Variants in KATNAL2 observed in about 807,000 individuals in gnomAD.
KATNAL2 encodes katanin catalytic subunit A1 like 2, also known as katanin p60 ATPase-containing subunit A-like 2.
In KATNAL2, 52 loss-of-function variants were observed where a neutral mutation model predicts 76.3. That is an observed-to-expected ratio of 0.68 (90% CI 0.55 to 0.86). The LOEUF (loss-of-function observed/expected upper bound fraction) is 0.86, where lower values mean the gene tolerates loss of function less well. Among genes scored for constraint, KATNAL2 ranks in the 40% least tolerant of loss-of-function variants. KATNAL2 has a pLI of 0.00. For missense variants in KATNAL2, 660 were observed against 668.9 expected (o/e 0.99, Z 0.15); for synonymous variants, 243 against 244.2 (o/e 1.00, Z 0.05).
intron 13 of KATNAL2, among the ~76,000 whole-genome samples, chr18:47,071,953 C>CTTCTTT (rs2062020721): frequency 2.3e-5 from 1 of 43,950 alleles, no homozygotes; most frequent in African/African-American, 1.2e-4. Context: ...CCAATTTCTT[C>CTTCTTT]TTTTTTTTTT....
chr18:47,033,071 C>A (rs1321613485), intron 3 of KATNAL2: 1 of 1,614,032 alleles, frequency 6.2e-7, no homozygotes, highest in Non-Finnish European at 8.5e-7. Context: ...ACTTTCTTGG[C>A]AGCCTGTTTC....
At chr18:47,071,953 CTTTTTTTTTTTTTTTT>C (rs574265545) in intron 13 of KATNAL2, among the ~76,000 whole-genome samples, 84 of 43,952 alleles carry the variant, frequency 1.9e-3, no homozygotes, top group East Asian at 0.014. Context: ...CCAATTTCTT[CTTTTTTTTTTTTTTTT>C]TTTTTTTTTT....
At chr18:46,929,753 G>A (rs2058847985) in intron 1 of KATNAL2, among the ~76,000 whole-genome samples, 1 of 152,112 alleles carries the variant, frequency 6.6e-6, no homozygotes, top group African/African-American at 2.4e-5. Context: ...GGAACATAGA[G>A]AAGAAGTATG....
At chr18:47,033,356 T>G in intron 3 of KATNAL2, 3 of 1,614,132 alleles carry the variant, frequency 1.9e-6, no homozygotes, top group Non-Finnish European at 8.5e-7. Context: ...TTTGCCTCTC[T>G]GCCGTTGGGG....
At chr18:46,951,671 G>T (rs2059561506) in intron 3 of KATNAL2, among the ~76,000 whole-genome samples, 1 of 152,058 alleles carries the variant, frequency 6.6e-6, no homozygotes, top group African/African-American at 2.4e-5. Context: ...TGGAAACAAA[G>T]TATCTATGAA....
chr18:47,093,951 G>A (rs926674889), intron 15 of KATNAL2, among the ~76,000 whole-genome samples: 4 of 151,874 alleles, frequency 2.6e-5, no homozygotes, highest in Admixed American at 2.6e-4. Flanking sequence ...TTTTTAAATG[G>A]CATCCTCTTT....
chr18:47,045,682 A>G (rs1206478895), intron 3 of KATNAL2, among the ~76,000 whole-genome samples: 1 of 152,160 alleles, frequency 6.6e-6, no homozygotes, highest in Non-Finnish European at 1.5e-5. Context: ...TTTGTGATGT[A>G]ATTTAGGCCA....
At chr18:47,032,105 A>G (rs2060492071) in intron 3 of KATNAL2, among the ~76,000 whole-genome samples, 1 of 152,224 alleles carries the variant, frequency 6.6e-6, no homozygotes, top group Non-Finnish European at 1.5e-5. Context: ...AAGCTGATTA[A>G]TGTGTCACCA....
intron 13 of KATNAL2, among the ~76,000 whole-genome samples, chr18:47,070,883 A>G (rs1018241752): frequency 1.3e-5 from 2 of 152,142 alleles, no homozygotes; most frequent in African/African-American, 4.8e-5. Flanking sequence ...TTTGTTCTTC[A>G]TCTTGCATCT....
Position 47,059,549 on chromosome 18 carries a change from T to C in KATNAL2, c.451-7T>C. On this transcript the variant is annotated splice_region_variant and splice_polypyrimidine_tract_variant and intron_variant, in intron 7 of 17. Transcript: ENST00000683218. Reference sequence around the variant, plus strand: ...CAGCCGATGTGTCCTTGTCTCTCTTTCTTCAGGAGGTAGTTGATAACACTC... The same window carrying C: ...CAGCCGATGTGTCCTTGTCTCTCTTCCTTCAGGAGGTAGTTGATAACACTC... 1 of 1,590,948 alleles carries C rather than the reference T, an allele frequency of 6.3e-7. No homozygotes were observed. Among genetic ancestry groups the C allele is most frequent in the Non-Finnish European group, 8.6e-7 (1 of 1,159,082 alleles).
Position 47,100,982 on chromosome 18 carries a change from CAA to C in KATNAL2, c.1596_1597del (p.Glu534ValfsTer11), listed in dbSNP as rs1286490149. 1.9e-6 allele frequency: 3 copies of C among 1,613,846 alleles called. No individual in the cohort carries two copies. Among genetic ancestry groups the C allele is most frequent in the Non-Finnish European group, 2.5e-6 (3 of 1,179,920 alleles). On this transcript the variant is annotated frameshift_variant, in exon 18 of 18. Coordinates refer to ENST00000683218, the MANE Select transcript of KATNAL2 (RefSeq NM_001387690.1). LOFTEE classifies it high-confidence loss of function. ...TCTGGCTCAGAGATACTCAGACTGG[CAA>C]AGAGAGTTCGAGTCTGTCTGAAACC... The part of the protein sequence containing the change: ...KNLAQRYSDW[Q>X]REFESV
At chr18:47,053,321 T>C (rs928526950) in intron 5 of KATNAL2, among the ~76,000 whole-genome samples, 3 of 152,232 alleles carry the variant, frequency 2.0e-5, no homozygotes, top group African/African-American at 7.2e-5. Flanking sequence ...TTCAGATGAT[T>C]AGCATTACTT....
At chr18:47,039,424 G>C (rs1047318035) in intron 3 of KATNAL2, among the ~76,000 whole-genome samples, 2 of 151,906 alleles carry the variant, frequency 1.3e-5, no homozygotes, top group African/African-American at 4.8e-5. Flanking sequence ...ATCCTCCCCA[G>C]TCCTCTCCTC....
chr18:47,074,341 G>A (rs1338584106), intron 13 of KATNAL2, among the ~76,000 whole-genome samples: 5 of 152,168 alleles, frequency 3.3e-5, no homozygotes, highest in Non-Finnish European at 7.3e-5. Flanking sequence ...GCTGCTGCTC[G>A]TGAAAACCAC....
chr18:47,099,449 C>A (rs754420423), intron 16 of KATNAL2, 44 bp downstream of exon 16: 2 of 1,537,674 alleles, frequency 1.3e-6, no homozygotes, highest in East Asian at 4.6e-5. Flanking sequence ...AAGGGCCCAC[C>A]ATATGGCCAT....
chr18:47,088,091 G>A (rs954520620), intron 15 of KATNAL2, among the ~76,000 whole-genome samples: 1 of 152,246 alleles, frequency 6.6e-6, no homozygotes, highest in Admixed American at 6.5e-5. Flanking sequence ...GCTGGAATAG[G>A]GCAGGTATTA....
chr18:46,955,167 T>TTTCTTTCTTTCTTTCC (rs2059700640), intron 3 of KATNAL2, among the ~76,000 whole-genome samples: 1 of 147,892 alleles, frequency 6.8e-6, no homozygotes. Context: ...TCTTTCTTTC[T>TTTCTTTCTTTCTTTCC]TTCTTTCTTT....
At chr18:47,088,708 C>T (rs1015177011) in intron 15 of KATNAL2, among the ~76,000 whole-genome samples, 37 of 152,192 alleles carry the variant, frequency 2.4e-4, no homozygotes, top group African/African-American at 7.2e-4. Flanking sequence ...GGACCACAGA[C>T]GTGTGCCACC....
At chr18:47,045,074 G>C (rs1323380525) in intron 3 of KATNAL2, among the ~76,000 whole-genome samples, 1 of 151,416 alleles carries the variant, frequency 6.6e-6, no homozygotes, top group Admixed American at 6.6e-5. Flanking sequence ...ACTCCAGCCT[G>C]GGCCACAGGG....
Sources: allele counts gnomAD v4.1 joint callset (sites outside exome capture counted in the v4.1 genomes callset), GRCh38; gene constraint gnomAD v4.1.1; transcripts MANE v1.5; gene names NCBI Gene and HGNC (gene_info 2026-07-23, HGNC 2026-07-21).